Variants in PUDP observed in about 807,000 individuals in gnomAD.
PUDP encodes pseudouridine 5'-phosphatase.
A neutral mutation model predicts 9.4 loss-of-function variants in PUDP; 8 were observed. That is an observed-to-expected ratio of 0.85 (90% CI 0.50 to 1.53). PUDP has a LOEUF of 1.53. Among genes scored for constraint, PUDP ranks in the 40% most tolerant of loss-of-function variants. The pLI is 0.00. For missense variants in PUDP, 188 were observed against 189.7 expected (o/e 0.99, Z 0.05); for synonymous variants, 99 against 80.7 (o/e 1.23, Z -1.22).
At chrX:6,942,886 A>T (rs1928417375) in intron 3 of PUDP, among the ~76,000 whole-genome samples, 1 of 112,252 alleles carries the variant, frequency 8.9e-6, no homozygotes, top group South Asian at 3.7e-4. Context: ...AGGCAAGGTA[A>T]CACTCCTTCT....
chrX:6,934,419 G>A (rs1233171506), intron 3 of PUDP, among the ~76,000 whole-genome samples: 3 of 110,025 alleles, frequency 2.7e-5, no homozygotes, highest in Non-Finnish European at 5.7e-5. Context: ...ATACTTTACA[G>A]AAAAGCAAAT....
chrX:6,793,492 C>T (rs1003938609), intron 3 of PUDP, among the ~76,000 whole-genome samples: 6 of 111,969 alleles, frequency 5.4e-5, no homozygotes, highest in Non-Finnish European at 7.5e-5. Flanking sequence ...CACAAAAATT[C>T]GAACCATAGC....
chrX:6,787,906 G>A (rs1476580545), intron 3 of PUDP, among the ~76,000 whole-genome samples: 1 of 112,350 alleles, frequency 8.9e-6, no homozygotes, highest in Non-Finnish European at 1.9e-5. Flanking sequence ...CATTTTGGCT[G>A]TAATTTTGTT....
intron 1 of PUDP, among the ~76,000 whole-genome samples, chrX:7,132,216 G>A (rs1178887295): frequency 1.8e-5 from 2 of 111,196 alleles, no homozygotes. Context: ...ATGAATCGAA[G>A]GAACACCCTG....
chrX:6,885,272 C>T (rs754307611), intron 3 of PUDP, among the ~76,000 whole-genome samples: 8 of 111,870 alleles, frequency 7.2e-5, no homozygotes, highest in Non-Finnish European at 1.5e-4. Context: ...AGCCTGGAGT[C>T]TCCTTTGGAA....
At chrX:6,956,509 T>G (rs917162222) in intron 3 of PUDP, among the ~76,000 whole-genome samples, 1 of 110,911 alleles carries the variant, frequency 9.0e-6, no homozygotes, top group Non-Finnish European at 1.9e-5. Flanking sequence ...GAGGGGAAAA[T>G]GCCCAAAACA....
intron 1 of PUDP, among the ~76,000 whole-genome samples, chrX:7,111,149 G>A (rs901545506): frequency 1.1e-4 from 12 of 111,342 alleles, no homozygotes; most frequent in Non-Finnish European, 3.8e-5. Flanking sequence ...CTGCTGCCTT[G>A]CCATCCCCTT....
intron 3 of PUDP, among the ~76,000 whole-genome samples, chrX:6,752,135 G>A (rs754955548): frequency 9.0e-5 from 10 of 111,487 alleles, no homozygotes; most frequent in South Asian, 3.8e-4. Context: ...GACCTCCTTC[G>A]GAAGCATTTA....
chrX:6,933,946 G>C (rs1437439495), intron 3 of PUDP, among the ~76,000 whole-genome samples: 6 of 106,018 alleles, frequency 5.7e-5, no homozygotes, highest in African/African-American at 1.7e-4. Context: ...ACAATAAAAA[G>C]AAATGAGCAA....
intron 3 of PUDP, among the ~76,000 whole-genome samples, chrX:6,787,487 T>C (rs1602619026): frequency 8.9e-6 from 1 of 112,320 alleles, no homozygotes; most frequent in Admixed American, 9.4e-5. Context: ...CTGTCTCTTG[T>C]CATATTGTGT....
At chrX:6,957,981 C>A (rs1215813062) in intron 3 of PUDP, among the ~76,000 whole-genome samples, 1 of 112,005 alleles carries the variant, frequency 8.9e-6, no homozygotes, top group African/African-American at 3.2e-5. Flanking sequence ...GCTTGTTCCC[C>A]AGTGCCATAA....
At chrX:6,919,727 A>G (rs769371616) in intron 3 of PUDP, among the ~76,000 whole-genome samples, 74 of 107,711 alleles carry the variant, frequency 6.9e-4, no homozygotes, top group African/African-American at 2.3e-3. Flanking sequence ...CATCTCTACT[A>G]AAAATACAAA....
intron 3 of PUDP, among the ~76,000 whole-genome samples, chrX:6,816,516 CTATAG>C (rs1926238721): frequency 2.0e-5 from 2 of 101,331 alleles, no homozygotes; most frequent in Admixed American, 2.3e-4. Flanking sequence ...CTATACTATA[CTATAG>C]TATATACACA....
rs1335782793 is a variant in PUDP at position 7,123,498 on chromosome X, A to G, written c.62-17660T>C. On this transcript the variant is annotated intron_variant, in intron 1 of 3. Coordinates refer to ENST00000381077, the MANE Select transcript of PUDP (RefSeq NM_012080.5). ...GGTAACAAGAAGACTTAACACAGAA[A>G]ACAGCAGCATGCCGCACGTAAATCC... Among the ~76,000 whole-genome samples, 6 of 112,148 alleles carry G rather than the reference A, an allele frequency of 5.4e-5. No individual in the cohort carries two copies. The Admixed American group carries it at 5.7e-4, about 11-fold the overall frequency.
In PUDP at chrX:6,837,619, G is replaced by A. The variant is rs779280602; in HGVS notation, c.*248-131153C>T. ...CTTGGTATTTCTTCCCCCTGGCCCC[G>A]CATTCCACGTGTTTAGGTGGGAACT... On this transcript the variant is annotated intron_variant and NMD_transcript_variant, in intron 3 of 3. Transcript: ENST00000655425. Among the ~76,000 whole-genome samples the A allele has an allele frequency of 9.8e-5, 11 of 112,424 alleles. No individual in the cohort carries two copies. In the South Asian group the frequency reaches 3.7e-3, roughly 38 times the overall value.
intron 3 of PUDP, among the ~76,000 whole-genome samples, chrX:6,877,332 C>A (rs916255582): frequency 1.1e-4 from 12 of 111,011 alleles, no homozygotes; most frequent in African/African-American, 3.9e-4. Context: ...ATTATTCATC[C>A]TAACATAAAA....
intron 1 of PUDP, among the ~76,000 whole-genome samples, chrX:7,117,798 C>G (rs1602808498): frequency 1.8e-5 from 2 of 113,015 alleles, no homozygotes; most frequent in South Asian, 7.2e-4. Flanking sequence ...AAGGCAGCCT[C>G]TCTCATCACA....
At chrX:7,070,643 A>ATC (rs1297473653) in intron 3 of PUDP, among the ~76,000 whole-genome samples, 1 of 111,063 alleles carries the variant, frequency 9.0e-6, no homozygotes, top group Non-Finnish European at 1.9e-5. Context: ...CAATGGCACA[A>ATC]TCTCGGCTCA....
intron 3 of PUDP, among the ~76,000 whole-genome samples, chrX:6,895,869 T>C (rs932398865): frequency 3.6e-5 from 4 of 110,692 alleles, no homozygotes; most frequent in African/African-American, 1.3e-4. Context: ...GCTTCCTAGT[T>C]CATAGACGGC....
Sources: allele counts gnomAD v4.1 joint callset (sites outside exome capture counted in the v4.1 genomes callset), GRCh38; gene constraint gnomAD v4.1.1; transcripts MANE v1.5; gene names NCBI Gene and HGNC (gene_info 2026-07-23, HGNC 2026-07-21).